Variants in MTX2 observed in about 807,000 individuals in gnomAD.
MTX2 encodes the protein metaxin-2.
MTX2 carries 35 observed loss-of-function variants against 42.3 expected under a neutral mutation model. The ratio of observed to expected loss-of-function variants is 0.83; its 90% CI spans 0.63 to 1.10. MTX2 has a LOEUF of 1.10. Ranked by LOEUF, MTX2 falls within the 50% of genes least tolerant of loss-of-function variation. The probability of loss-of-function intolerance (pLI) is 0.00; values close to 1 mark genes in which losing one functional copy is unlikely to be tolerated. For synonymous variants in MTX2, 119 were observed against 100.9 expected (o/e 1.18, Z -1.08); for missense variants, 307 against 304.1 (o/e 1.01, Z -0.07).
At chr2:176,299,402 A>C (rs146695070) in intron 3 of MTX2, among the ~76,000 whole-genome samples, 1 of 148,996 alleles carries the variant, frequency 6.7e-6, no homozygotes. Flanking sequence ...AGAAGGGGGG[A>C]AAAAATAAAT....
intron 3 of MTX2, among the ~76,000 whole-genome samples, chr2:176,302,898 A>G (rs1248944058): frequency 2.0e-5 from 3 of 152,188 alleles, no homozygotes; most frequent in Admixed American, 1.3e-4. Flanking sequence ...ATCCAAATGT[A>G]GTGTTTGGGA....
chr2:176,335,558 G>C (rs1684968186), intron 9 of MTX2, among the ~76,000 whole-genome samples: 1 of 151,998 alleles, frequency 6.6e-6, no homozygotes, highest in African/African-American at 2.4e-5. Context: ...ATGATGGTAG[G>C]TTACACTGTG....
At chr2:176,334,938 T>G (rs1308413516) in intron 9 of MTX2, among the ~76,000 whole-genome samples, 1 of 151,960 alleles carries the variant, frequency 6.6e-6, no homozygotes, top group East Asian at 1.9e-4. Context: ...ATTGCACAAT[T>G]CCTGCTTTGT....
At chr2:176,272,773 T>C (rs1433413892) in intron 1 of MTX2, among the ~76,000 whole-genome samples, 2 of 152,182 alleles carry the variant, frequency 1.3e-5, no homozygotes, top group Non-Finnish European at 2.9e-5. Flanking sequence ...ATAATAAAGA[T>C]AGATTGTTGG....
chr2:176,273,997 T>C (rs1558921650), intron 1 of MTX2, among the ~76,000 whole-genome samples: 1 of 152,142 alleles, frequency 6.6e-6, no homozygotes, highest in Non-Finnish European at 1.5e-5. Context: ...GTCACTTCTT[T>C]CCTTGCCCCT....
chr2:176,294,825 A>T (rs1340314303), intron 1 of MTX2, among the ~76,000 whole-genome samples: 1 of 152,204 alleles, frequency 6.6e-6, no homozygotes, highest in African/African-American at 2.4e-5. Flanking sequence ...ACACAGTAAT[A>T]CAGGTTTAAT....
At chr2:176,331,946 G>T (rs886732744) in intron 9 of MTX2, among the ~76,000 whole-genome samples, 1 of 151,176 alleles carries the variant, frequency 6.6e-6, no homozygotes, top group Non-Finnish European at 1.5e-5. Flanking sequence ...TTTCTTCTCA[G>T]TTAAACTCAT....
chr2:176,300,327 G>T (rs1010623694), intron 3 of MTX2, among the ~76,000 whole-genome samples: 1 of 152,002 alleles, frequency 6.6e-6, no homozygotes, highest in African/African-American at 2.4e-5. Context: ...TTTTCTAGAA[G>T]CCTCATTTAA....
chr2:176,288,972 A>G (rs1399225603), intron 1 of MTX2, among the ~76,000 whole-genome samples: 1 of 152,076 alleles, frequency 6.6e-6, no homozygotes, highest in African/African-American at 2.4e-5. Context: ...TGGAATAAAT[A>G]GATACATAAT....
intron 3 of MTX2, among the ~76,000 whole-genome samples, chr2:176,310,542 T>A (rs1172503162): frequency 6.6e-6 from 1 of 152,228 alleles, no homozygotes; most frequent in Non-Finnish European, 1.5e-5. Context: ...ACCAATCCAA[T>A]GTAGATTTGG....
chr2:176,306,921 A>G (rs916191159), intron 3 of MTX2, among the ~76,000 whole-genome samples: 1 of 151,854 alleles, frequency 6.6e-6, no homozygotes, highest in Admixed American at 6.6e-5. Context: ...ATTAGATCCC[A>G]TTTGCCTATT....
chr2:176,328,301 T>G lies in MTX2; in HGVS notation c.294T>G (p.Ser98=), dbSNP rs1684767938. The change falls in exon 6 of 10, where the codon TCT becomes TCG. Residue 98 remains serine (S), a synonymous_variant. Coordinates refer to ENST00000249442, the MANE Select transcript of MTX2 (RefSeq NM_006554.5). ...IVQFVKAKGH[S]LSDGLEEVQK... The stretch of plus-strand genomic sequence containing the variant: ...TTTTAAATTCCCTTTAGGGCCATTC[T>G]CTTAGTGATGGGCTGGAGGAAGTCC... The G allele has an allele frequency of 6.4e-7, 1 of 1,567,634 alleles. No individual in the cohort carries two copies. The highest frequency in any genetic ancestry group is 1.4e-5 in the African/African-American group (1 of 72,426).
rs117789630 is a variant in MTX2, at chr2:176,300,647, A to C, written c.135+2752A>C. Among the ~76,000 whole-genome samples the C allele has an allele frequency of 2.3e-3, 349 of 152,226 alleles. 8 individuals are homozygous for C. In the East Asian group the frequency reaches 0.044, roughly 19 times the overall value. ...CCAAATTGTTTTATTTAAGAAGTTTATGTCTATTGATTGAGTATATGCTGT... is the reference window on the plus strand; with the variant it reads ...CCAAATTGTTTTATTTAAGAAGTTTCTGTCTATTGATTGAGTATATGCTGT... On this transcript the variant is annotated intron_variant, in intron 3 of 9. Coordinates refer to ENST00000249442, the MANE Select transcript of MTX2 (RefSeq NM_006554.5).
At chr2:176,300,714 G>A (rs536465680) in intron 3 of MTX2, among the ~76,000 whole-genome samples, 1 of 152,200 alleles carries the variant, frequency 6.6e-6, no homozygotes, top group South Asian at 2.1e-4. Context: ...TCAAAAAACA[G>A]CAAACCCTAA....
chr2:176,326,069 T>C (rs931956864), intron 4 of MTX2, among the ~76,000 whole-genome samples: 1 of 151,816 alleles, frequency 6.6e-6, no homozygotes, highest in South Asian at 2.1e-4. Context: ...TCTTTAGCAT[T>C]TGGAGTAGAC....
chr2:176,280,777 T>C (rs1339358617), intron 1 of MTX2, among the ~76,000 whole-genome samples: 1 of 152,174 alleles, frequency 6.6e-6, no homozygotes, highest in Non-Finnish European at 1.5e-5. Context: ...TATATAAATG[T>C]TATAGATTAA....
intron 4 of MTX2, 105 bp downstream of exon 4, chr2:176,323,569 A>C: frequency 9.4e-7 from 1 of 1,062,276 alleles, no homozygotes; most frequent in Non-Finnish European, 1.4e-6. Context: ...TTTTTTGTTT[A>C]CCCTTTGAAG....
Position 176,297,974 on chromosome 2 carries a change from C to T in MTX2, c.135+79C>T. On this transcript the variant is annotated intron_variant, in intron 3 of 9. Coordinates refer to ENST00000249442, the MANE Select transcript of MTX2 (RefSeq NM_006554.5). ...TTTTGACTTGCAGTTATATTTTTCCCCTTCCAAAATGTCTGATACTATATG... is the reference window on the plus strand; with the variant it reads ...TTTTGACTTGCAGTTATATTTTTCCTCTTCCAAAATGTCTGATACTATATG... 2.7e-6 allele frequency: 3 copies of T among 1,115,592 alleles called. No homozygotes were observed. The Middle Eastern group carries it at 6.3e-4, about 234-fold the overall frequency. The allele number at this position is 1,115,592 out of a possible 1,614,324, so 69.1% of individuals were successfully genotyped here.
chr2:176,319,764 CAG>C (rs1684532498), intron 3 of MTX2, among the ~76,000 whole-genome samples: 1 of 151,902 alleles, frequency 6.6e-6, no homozygotes. Context: ...TTAGTAGAGT[CAG>C]GGTTTCACCA....
Sources: allele counts gnomAD v4.1 joint callset (sites outside exome capture counted in the v4.1 genomes callset), GRCh38; gene constraint gnomAD v4.1.1; transcripts MANE v1.5; gene names NCBI Gene and HGNC (gene_info 2026-07-23, HGNC 2026-07-21).